SPG11: variants seen among roughly 807,000 people sequenced by gnomAD.
The protein encoded by SPG11 is SPG11 vesicle trafficking associated, spatacsin.
A neutral mutation model predicts 274.0 loss-of-function variants in SPG11; 222 were observed. The observed-to-expected ratio is 0.81, with a 90% CI of 0.73 to 0.91. SPG11 has a LOEUF of 0.91. Among genes scored for constraint, SPG11 ranks in the 40% least tolerant of loss-of-function variants. The probability of loss-of-function intolerance (pLI) is 0.00; values close to 1 mark genes in which losing one functional copy is unlikely to be tolerated. For synonymous variants in SPG11, 1,144 were observed against 1,039.7 expected, an observed-to-expected ratio of 1.10 and a Z score of -1.93; for missense variants, 3,114 against 2,872.7, an observed-to-expected ratio of 1.08 and a Z score of -1.92.
intron 8 of SPG11, among the ~76,000 whole-genome samples, chr15:44,631,097 A>G (rs973897462): frequency 5.3e-5 from 8 of 152,208 alleles, no homozygotes; most frequent in African/African-American, 1.7e-4. Context: ...GCATACTCTT[A>G]AACCTGGAAA....
chr15:44,611,145 A>C (rs1450045108), intron 17 of SPG11, among the ~76,000 whole-genome samples, 160 bp from the exon 18 acceptor site: 1 of 151,618 alleles, frequency 6.6e-6, no homozygotes, highest in African/African-American at 2.4e-5. Context: ...AGCAATGGGA[A>C]AACATCACAG....
At chr15:44,606,702 C>A (rs1034941182) in intron 19 of SPG11, among the ~76,000 whole-genome samples, 39 of 151,922 alleles carry the variant, frequency 2.6e-4, no homozygotes, top group African/African-American at 8.9e-4. Context: ...AAAAACAGAA[C>A]AAAAAAAGTC....
At chr15:44,651,185 G>A (rs1469569647) in intron 6 of SPG11, among the ~76,000 whole-genome samples, 1 of 152,194 alleles carries the variant, frequency 6.6e-6, no homozygotes, top group Non-Finnish European at 1.5e-5. Flanking sequence ...CATGGCCCAT[G>A]AGCACCTTGC....
At position 44,592,316 on chromosome 15, in the gene SPG11, A is replaced by G. The variant is rs773202190; in HGVS notation, c.4743+15T>C. 1.5e-5 allele frequency: 22 copies of G among 1,512,110 alleles called. No individual in the cohort carries two copies. The South Asian group carries it at 2.4e-4, about 16-fold the overall frequency. 93.7% of individuals were successfully genotyped at this position (1,512,110 alleles called of 1,614,324 possible). On this transcript the variant is annotated intron_variant, in intron 27 of 39. Coordinates refer to ENST00000261866, the MANE Select transcript of SPG11 (RefSeq NM_025137.4). ...GTGCAGATCAGTGAGAAAGAGCACC[A>G]TAATTCCAACTTACCGTTTCAAGGC...
At chr15:44,601,173 G>A (rs966640325) in intron 20 of SPG11, among the ~76,000 whole-genome samples, 1 of 152,036 alleles carries the variant, frequency 6.6e-6, no homozygotes, top group African/African-American at 2.4e-5. Flanking sequence ...AAAAAAGTGT[G>A]AGATTCCTGG....
chr15:44,593,755 T>A (rs930650598), intron 26 of SPG11, among the ~76,000 whole-genome samples: 2 of 129,984 alleles, frequency 1.5e-5, no homozygotes, highest in African/African-American at 3.4e-5. Context: ...TCATAATATC[T>A]TTTTTTTTTT....
intron 21 of SPG11, 37 bp from the exon 22 acceptor site, chr15:44,598,873 G>A (rs2083113157): frequency 1.3e-6 from 2 of 1,588,684 alleles, no homozygotes; most frequent in Admixed American, 1.7e-5. Context: ...ATCAGCACAT[G>A]AAAATTATGT....
intron 9 of SPG11, 71 bp from the exon 10 acceptor site, chr15:44,628,915 T>C: frequency 6.9e-7 from 1 of 1,447,748 alleles, no homozygotes; most frequent in Non-Finnish European, 9.6e-7. Context: ...TTATAAAGAA[T>C]TCTAAAGAAA....
At chr15:44,585,364 C>T (rs1183871563) in intron 29 of SPG11, among the ~76,000 whole-genome samples, 8 of 144,318 alleles carry the variant, frequency 5.5e-5, no homozygotes, top group South Asian at 4.3e-4. Context: ...CAGAGGCGGG[C>T]GGATCACAAG....
chr15:44,563,225 G>A lies in SPG11; in HGVS notation c.7228C>T (p.Leu2410=), dbSNP rs759801743. 3.7e-6 allele frequency: 6 copies of A among 1,614,012 alleles called. No homozygotes were observed. The highest frequency in any genetic ancestry group is 5.1e-6 in the Non-Finnish European group (6 of 1,179,884). Residue 2410 remains leucine, a synonymous_variant, in exon 40 of 40, where the codon CTG becomes TTG. Transcript: ENST00000261866. Reference sequence around the variant, plus strand: ...TGTTCGTATGCCAACTTGTAATACAGGTAAACATCTTCACAATATGTGAGT... The same window carrying A: ...TGTTCGTATGCCAACTTGTAATACAAGTAAACATCTTCACAATATGTGAGT... ...KLLTYCEDVY[L]YYKLAYEHKF...
chr15:44,570,097 G>GTT (rs1240715240), intron 34 of SPG11, among the ~76,000 whole-genome samples: 1 of 152,184 alleles, frequency 6.6e-6, no homozygotes, highest in African/African-American at 2.4e-5. Context: ...CATGACAGTG[G>GTT]CCCAGTAGCT....
At position 44,651,720 on chromosome 15, in the gene SPG11, TG is replaced by T; in HGVS notation, c.1226del (p.Pro409GlnfsTer7). On this transcript the variant is annotated frameshift_variant, in exon 6 of 40. Transcript: ENST00000261866. LOFTEE classifies it high-confidence loss of function. ...TGTGCATTATTTTCCATGATCTTCC[TG>T]GATCACTGGTCTTGGCATGATCTTT... ...LQKDHAKTSD[P>X]GRSWKIMHIS... The T allele has an allele frequency of 6.2e-7, 1 of 1,614,266 alleles. No homozygotes were observed.
intron 7 of SPG11, among the ~76,000 whole-genome samples, chr15:44,635,280 C>G (rs751973331): frequency 6.6e-6 from 1 of 151,522 alleles, no homozygotes. Context: ...ACTGTCTGAT[C>G]CTTTACAAAG....
chr15:44,657,544 C>G (rs1008122171), intron 3 of SPG11, among the ~76,000 whole-genome samples: 19 of 152,152 alleles, frequency 1.2e-4, no homozygotes, highest in African/African-American at 4.6e-4. Context: ...GGCCCAGAGG[C>G]ACTGCTATTT....
At chr15:44,609,895 AT>A (rs771457335) in intron 18 of SPG11, among the ~76,000 whole-genome samples, 3,238 of 106,092 alleles carry the variant, frequency 0.031, 64 homozygotes, top group East Asian at 0.093. Context: ...TGCCCAGCTA[AT>A]TTTTTTTTTT....
intron 8 of SPG11, among the ~76,000 whole-genome samples, chr15:44,630,317 A>G (rs1457759126): frequency 1.3e-5 from 2 of 152,126 alleles, no homozygotes; most frequent in Non-Finnish European, 2.9e-5. Flanking sequence ...TAAGGCTATT[A>G]CCAGTGCTTC....
chr15:44,563,851 T>C lies in SPG11; in HGVS notation c.7152-550A>G, dbSNP rs1011103134. On this transcript the variant is annotated intron_variant, in intron 39 of 39. Transcript: ENST00000261866. ...CTGAAGTACCACTTACTATTACCTATAGAGGAGAGGGTGCTGGAGTCTGGG... is the reference window on the plus strand; with the variant it reads ...CTGAAGTACCACTTACTATTACCTACAGAGGAGAGGGTGCTGGAGTCTGGG... 3.3e-5 allele frequency among the ~76,000 whole-genome samples: 5 copies of C among 152,190 alleles called. No homozygotes were observed. The East Asian group carries it at 9.6e-4, about 29-fold the overall frequency.
At chr15:44,616,162 C>T (rs1451388053) in intron 15 of SPG11, among the ~76,000 whole-genome samples, 1 of 151,994 alleles carries the variant, frequency 6.6e-6, no homozygotes, top group Non-Finnish European at 1.5e-5. Context: ...TTTGCTACCT[C>T]CAGAGGTAGC....
chr15:44,566,917 G>A (rs781363708), intron 36 of SPG11, among the ~76,000 whole-genome samples: 3 of 151,952 alleles, frequency 2.0e-5, no homozygotes, highest in Non-Finnish European at 4.4e-5. Flanking sequence ...TGCCCAGGCT[G>A]GTGTTGAACT....
Sources: allele counts gnomAD v4.1 joint callset (sites outside exome capture counted in the v4.1 genomes callset), GRCh38; gene constraint gnomAD v4.1.1; transcripts MANE v1.5; gene names NCBI Gene and HGNC (gene_info 2026-07-23, HGNC 2026-07-21).